The following CSMD3 variants were observed in gnomAD, a reference collection of about 807,000 sequenced individuals.
The protein encoded by CSMD3 is CUB and sushi domain-containing protein 3.
Under a neutral mutation model 435.2 loss-of-function variants are expected in CSMD3, and 177 were observed. That is an observed-to-expected ratio of 0.41 (90% CI 0.36 to 0.46). CSMD3 has a LOEUF of 0.46. Ranked by LOEUF, CSMD3 falls within the 20% of genes least tolerant of loss-of-function variation. The pLI is 0.34. For missense variants in CSMD3, 4,265 were observed against 4,504.6 expected, an observed-to-expected ratio of 0.95 and a Z score of 1.52; for synonymous variants, 1,656 against 1,520.5, an observed-to-expected ratio of 1.09 and a Z score of -2.07.
intron 4 of CSMD3, among the ~76,000 whole-genome samples, chr8:113,124,461 A>G (rs1161603545): frequency 6.9e-6 from 1 of 145,814 alleles, no homozygotes; most frequent in East Asian, 2.1e-4. Context: ...CTTTCTCATT[A>G]TATTTCTTAA....
intron 12 of CSMD3, among the ~76,000 whole-genome samples, chr8:112,809,909 T>G (rs1435614920): frequency 6.6e-6 from 1 of 152,156 alleles, no homozygotes; most frequent in Admixed American, 6.6e-5. Context: ...TTGAAGGAGG[T>G]AGCACCTGTC....
rs2075530651 is a variant in CSMD3, at chr8:112,666,539, TTG to T, written c.2678-126_2678-125del. The stretch of plus-strand genomic sequence containing the variant: ...CCTTATTAAATAGTTAATACTATTT[TTG>T]AAAGCAATGGTACATCTAGTCAATT... On this transcript the variant is annotated intron_variant, in intron 16 of 70. Coordinates refer to ENST00000297405, the MANE Select transcript of CSMD3 (RefSeq NM_198123.2). The T allele has an allele frequency of 5.0e-6, 4 of 793,462 alleles. No homozygotes were observed. In the African/African-American group the frequency reaches 7.0e-5, roughly 14 times the overall value. The allele number at this position is 793,462 out of a possible 1,614,324, so 49.2% of individuals were successfully genotyped here.
chr8:112,343,003 A>ATATATATATATATATT (rs1563815639), intron 41 of CSMD3, among the ~76,000 whole-genome samples: 23 of 120,848 alleles, frequency 1.9e-4, no homozygotes, highest in Non-Finnish European at 3.2e-4. Flanking sequence ...ATATATATTT[A>ATATATATATATATATT]TATATATATA....
At chr8:112,329,945 T>C (rs1018284358) in intron 45 of CSMD3, among the ~76,000 whole-genome samples, 7 of 151,860 alleles carry the variant, frequency 4.6e-5, no homozygotes, top group African/African-American at 1.5e-4. Context: ...CACACATACA[T>C]ACACACACAT....
At chr8:113,359,741 GAA>G (rs918267727) in intron 1 of CSMD3, among the ~76,000 whole-genome samples, 20 of 152,258 alleles carry the variant, frequency 1.3e-4, no homozygotes, top group African/African-American at 4.8e-4. Flanking sequence ...TTATACTCTT[GAA>G]AAGAACTGAA....
At position 112,928,248 on chromosome 8, in the gene CSMD3, G is replaced by C. The variant is rs559782275; in HGVS notation, c.1509-6497C>G. Among the ~76,000 whole-genome samples the C allele has an allele frequency of 2.6e-5, 4 of 152,228 alleles. No individual in the cohort carries two copies. In the South Asian group the frequency reaches 8.3e-4, roughly 32 times the overall value. On this transcript the variant is annotated intron_variant, in intron 9 of 70. Transcript: ENST00000297405. Reference sequence around the variant, plus strand: ...AGAAACGCAAAAGCCCTAGGCAAGTGCATTAGTTAATATAGATTTTCATAT... The same window carrying C: ...AGAAACGCAAAAGCCCTAGGCAAGTCCATTAGTTAATATAGATTTTCATAT...
chr8:112,894,726 A>G (rs1357963541), intron 10 of CSMD3, among the ~76,000 whole-genome samples: 7 of 151,420 alleles, frequency 4.6e-5, no homozygotes, highest in African/African-American at 1.7e-4. Context: ...TATGTAGCAT[A>G]AGTCCATACA....
intron 22 of CSMD3, among the ~76,000 whole-genome samples, chr8:112,601,677 A>G (rs771272253): frequency 6.6e-6 from 1 of 152,170 alleles, no homozygotes; most frequent in Non-Finnish European, 1.5e-5. Flanking sequence ...TGAGAAAAGA[A>G]AAGACAGATT....
intron 13 of CSMD3, among the ~76,000 whole-genome samples, chr8:112,783,175 AT>A (rs1393430196): frequency 6.6e-6 from 1 of 151,882 alleles, no homozygotes; most frequent in Non-Finnish European, 1.5e-5. Context: ...CATAATAAAA[AT>A]TTTTAAAATG....
At chr8:113,172,852 T>G (rs895525121) in intron 4 of CSMD3, among the ~76,000 whole-genome samples, 1 of 152,162 alleles carries the variant, frequency 6.6e-6, no homozygotes, top group African/African-American at 2.4e-5. Context: ...GGAAACACAA[T>G]GTTGGCCTCC....
At chr8:113,194,761 A>G (rs1051567186) in intron 3 of CSMD3, among the ~76,000 whole-genome samples, 32 of 151,280 alleles carry the variant, frequency 2.1e-4, no homozygotes, top group Admixed American at 1.6e-3. Flanking sequence ...CATAATAGTT[A>G]ATATTGATGC....
At chr8:112,640,794 G>A (rs961847211) in intron 20 of CSMD3, among the ~76,000 whole-genome samples, 6 of 151,846 alleles carry the variant, frequency 4.0e-5, no homozygotes, top group Non-Finnish European at 8.8e-5. Flanking sequence ...TAATGTAAGG[G>A]TAGAAAGTTC....
intron 45 of CSMD3, 26 bp from the exon 46 acceptor site, chr8:112,320,007 TCC>T: frequency 2.0e-6 from 3 of 1,495,184 alleles, no homozygotes; most frequent in Non-Finnish European, 2.8e-6. Flanking sequence ...AAGTGTTTAT[TCC>T]TTTTCTGTGC....
intron 18 of CSMD3, among the ~76,000 whole-genome samples, chr8:112,650,687 C>A (rs1026293933): frequency 6.6e-6 from 1 of 151,910 alleles, no homozygotes; most frequent in African/African-American, 2.4e-5. Flanking sequence ...TTCCAAGCAC[C>A]ATTCTAAATA....
chr8:112,999,243 C>T (rs1013971385), intron 6 of CSMD3, among the ~76,000 whole-genome samples: 2 of 151,846 alleles, frequency 1.3e-5, no homozygotes. Flanking sequence ...AAAACAGATG[C>T]AATTTTAAAT....
chr8:113,374,730 G>A (rs771868856), intron 1 of CSMD3, among the ~76,000 whole-genome samples: 1 of 145,636 alleles, frequency 6.9e-6, no homozygotes, highest in South Asian at 2.2e-4. Context: ...AACAGTTGTC[G>A]CTTTAATTAT....
chr8:112,555,571 G>A (rs971544056), intron 25 of CSMD3, among the ~76,000 whole-genome samples: 2 of 151,868 alleles, frequency 1.3e-5, no homozygotes, highest in African/African-American at 2.4e-5. Flanking sequence ...CCAAAATTCA[G>A]ATGCCGTCTG....
intron 4 of CSMD3, among the ~76,000 whole-genome samples, chr8:113,112,714 C>T (rs2090699864): frequency 6.6e-6 from 1 of 151,998 alleles, no homozygotes; most frequent in Admixed American, 6.6e-5. Context: ...TAGTGCTAAT[C>T]ACAGTTCTCA....
At chr8:113,064,177 AATC>A (rs1383931942) in intron 5 of CSMD3, among the ~76,000 whole-genome samples, 1 of 151,836 alleles carries the variant, frequency 6.6e-6, no homozygotes, top group Non-Finnish European at 1.5e-5. Flanking sequence ...TATATTTTAA[AATC>A]ATTTCAGTGG....
Sources: allele counts gnomAD v4.1 joint callset (sites outside exome capture counted in the v4.1 genomes callset), GRCh38; gene constraint gnomAD v4.1.1; transcripts MANE v1.5; gene names NCBI Gene and HGNC (gene_info 2026-07-23, HGNC 2026-07-21).